SMCHD1: variants seen among roughly 807,000 people sequenced by gnomAD.
The protein encoded by SMCHD1 is structural maintenance of chromosomes flexible hinge domain-containing protein 1.
SMCHD1 carries 78 observed loss-of-function variants against 254.7 expected under a neutral mutation model. That is an observed-to-expected ratio of 0.31 (90% CI 0.26 to 0.37). SMCHD1 has a LOEUF of 0.37. Ranked by LOEUF, SMCHD1 falls within the 10% of genes least tolerant of loss-of-function variation. SMCHD1 has a pLI of 1.00. For missense variants in SMCHD1, 1,840 were observed against 2,408.1 expected (o/e 0.76, Z 4.94); for synonymous variants, 766 against 794.9 (o/e 0.96, Z 0.61).
chr18:2,743,047 G>A (rs1361421683), intron 28 of SMCHD1, among the ~76,000 whole-genome samples: 1 of 152,130 alleles, frequency 6.6e-6, no homozygotes, highest in African/African-American at 2.4e-5. Flanking sequence ...AAGTAGATTT[G>A]TACCTAGCAG....
At chr18:2,680,949 T>C (rs1220785715) in intron 5 of SMCHD1, among the ~76,000 whole-genome samples, 1 of 152,178 alleles carries the variant, frequency 6.6e-6, no homozygotes, top group East Asian at 1.9e-4. Context: ...TATACACTTG[T>C]GTATCTCAAA....
At chr18:2,744,599 T>C (rs773582568) in intron 29 of SMCHD1, among the ~76,000 whole-genome samples, 1 of 152,184 alleles carries the variant, frequency 6.6e-6, no homozygotes, top group Non-Finnish European at 1.5e-5. Context: ...TGAAATCTAT[T>C]CTCTTAGCAG....
Position 2,700,571 on chromosome 18 carries a change from T to C in SMCHD1, c.1375T>C (p.Phe459Leu). 6.2e-7 allele frequency: 1 copy of C among 1,612,258 alleles called. No individual in the cohort carries two copies. The highest frequency in any genetic ancestry group is 8.5e-7 in the Non-Finnish European group (1 of 1,178,976). ...LKDEDDEDDCFILEKAARGKR... is the reference protein window; with the variant it reads ...LKDEDDEDDCLILEKAARGKR... ...AGATGAAGATGATGAAGATGATTGT[T>C]TCATACTTGAGAAAGCAGCTAGAGG... The change falls in exon 11 of 48, where the codon TTC becomes CTC. Residue 459 changes from phenylalanine to leucine, a missense_variant. Physicochemically the swap from Phe to Leu is conservative, Grantham distance 22. Transcript: ENST00000320876.
intron 47 of SMCHD1, among the ~76,000 whole-genome samples, chr18:2,798,807 A>G (rs568599163): frequency 6.6e-6 from 1 of 152,180 alleles, no homozygotes; most frequent in Non-Finnish European, 1.5e-5. Flanking sequence ...GAACAGTGGG[A>G]TTATTTTTTA....
chr18:2,758,744 G>GT lies in SMCHD1; in HGVS notation c.4347-1904dup, dbSNP rs543503788. Among the ~76,000 whole-genome samples, 282 of 152,050 alleles carry GT rather than the reference G, an allele frequency of 1.9e-3. 2 individuals carry two copies. The highest frequency in any genetic ancestry group is 6.6e-3 in the African/African-American group (274 of 41,488). ...TCATTCTGTTGTCAGTCTCATTATT[G>GT]TTTTAAAAAAATGTATTTTCCCTCC... is the stretch of plus-strand genomic sequence containing the variant. On this transcript the variant is annotated intron_variant, in intron 34 of 47. Coordinates refer to ENST00000320876, the MANE Select transcript of SMCHD1 (RefSeq NM_015295.3).
Position 2,771,516 on chromosome 18 carries a change from T to C in SMCHD1, c.4967-17T>C. ...GGCTATCAGAAATTGATGCAAATTTTTGGTTTTTTATTTTAGGTCAAGTTG... is the reference window on the plus strand; with the variant it reads ...GGCTATCAGAAATTGATGCAAATTTCTGGTTTTTTATTTTAGGTCAAGTTG... On this transcript the variant is annotated splice_polypyrimidine_tract_variant and intron_variant, in intron 39 of 47. Coordinates refer to ENST00000320876, the MANE Select transcript of SMCHD1 (RefSeq NM_015295.3). The C allele has an allele frequency of 2.6e-6, 4 of 1,550,756 alleles. No individual in the cohort carries two copies. Among genetic ancestry groups the C allele is most frequent in the Non-Finnish European group, 3.5e-6 (4 of 1,158,552 alleles).
intron 40 of SMCHD1, among the ~76,000 whole-genome samples, chr18:2,771,923 AAAGC>A (rs1436510512): frequency 5.3e-5 from 8 of 152,214 alleles, no homozygotes; most frequent in Admixed American, 1.3e-4. Context: ...GAGAAAATAA[AAAGC>A]AATCTAGATT....
chr18:2,713,583 G>A (rs1311404119), intron 17 of SMCHD1, among the ~76,000 whole-genome samples: 1 of 152,140 alleles, frequency 6.6e-6, no homozygotes, highest in Non-Finnish European at 1.5e-5. Flanking sequence ...TACTCGGGAG[G>A]CTGAGGCAGG....
intron 28 of SMCHD1, 84 bp from the exon 29 acceptor site, chr18:2,743,677 G>C (rs1598394864): frequency 1.0e-6 from 1 of 984,708 alleles, no homozygotes; most frequent in East Asian, 2.6e-5. Context: ...GTACGCCCAT[G>C]GGTTAATGAC....
At chr18:2,695,719 A>T (rs2074272379) in intron 8 of SMCHD1, among the ~76,000 whole-genome samples, 1 of 152,202 alleles carries the variant, frequency 6.6e-6, no homozygotes, top group Non-Finnish European at 1.5e-5. Flanking sequence ...TCTGCTCAAA[A>T]TTCATATTTT....
At chr18:2,693,239 A>G (rs2074217783) in intron 7 of SMCHD1, among the ~76,000 whole-genome samples, 1 of 152,212 alleles carries the variant, frequency 6.6e-6, no homozygotes, top group African/African-American at 2.4e-5. Flanking sequence ...TTTATAATGT[A>G]TATAGCAACA....
At chr18:2,766,497 C>T (rs2075871567) in intron 37 of SMCHD1, among the ~76,000 whole-genome samples, 2 of 152,244 alleles carry the variant, frequency 1.3e-5, no homozygotes, top group Non-Finnish European at 1.5e-5. Context: ...TCCTTCTTGG[C>T]TCCTGCCTCA....
intron 37 of SMCHD1, 55 bp from the exon 38 acceptor site, chr18:2,769,638 GT>G: frequency 6.5e-7 from 1 of 1,527,956 alleles, no homozygotes. Context: ...ACATTTATAT[GT>G]TGTAAATTTT....
chr18:2,666,549 CCTG>C (rs1290448900), intron 2 of SMCHD1, among the ~76,000 whole-genome samples: 3 of 152,078 alleles, frequency 2.0e-5, no homozygotes, highest in Non-Finnish European at 4.4e-5. Flanking sequence ...TTTTCCAAGA[CCTG>C]CTGGTTTTTC....
intron 5 of SMCHD1, among the ~76,000 whole-genome samples, chr18:2,674,391 A>C (rs947220502): frequency 1.3e-5 from 2 of 152,172 alleles, no homozygotes; most frequent in Non-Finnish European, 2.9e-5. Flanking sequence ...TATGTTGGGT[A>C]CCTGAGAGCT....
At chr18:2,784,198 ATCC>A (rs1568383310) in intron 44 of SMCHD1, among the ~76,000 whole-genome samples, 4 of 152,012 alleles carry the variant, frequency 2.6e-5, no homozygotes, top group African/African-American at 2.4e-5. Context: ...CCACTTATCA[ATCC>A]ATCATTTACT....
In SMCHD1 at chr18:2,750,368, G is replaced by A; in HGVS notation, c.4026G>A (p.Gln1342=). 6.2e-7 allele frequency: 1 copy of A among 1,612,430 alleles called. No individual in the cohort carries two copies. ...TTGTTAGGGGAGAGCATACTCTTCA[G>A]GTTAAAGCCATCTATAACAAAAGTA... ...VFAPRGEHTL[Q]VKAIYNKSII... is the part of the protein sequence containing the mutation. Residue 1342 remains glutamine, a synonymous_variant, in exon 32 of 48, where the codon CAG becomes CAA. Transcript: ENST00000320876.
chr18:2,716,201 G>A (rs2074795477), intron 17 of SMCHD1, among the ~76,000 whole-genome samples: 1 of 152,174 alleles, frequency 6.6e-6, no homozygotes, highest in South Asian at 2.1e-4. Context: ...GCTTTCTCCA[G>A]TGCTGGCTGT....
At chr18:2,673,852 T>TA (rs1281183295) in intron 4 of SMCHD1, among the ~76,000 whole-genome samples, 163 bp from the exon 5 acceptor site, 14 of 152,244 alleles carry the variant, frequency 9.2e-5, no homozygotes, top group Admixed American at 8.5e-4. Context: ...AGGCTTTTGA[T>TA]ACATACTGCT....
Sources: gnomAD v4.1 joint callset for allele counts (sites outside exome capture counted in the v4.1 genomes callset) on GRCh38, gnomAD v4.1.1 for gene constraint, MANE v1.5 for transcripts, NCBI Gene and HGNC (gene_info 2026-07-23, HGNC 2026-07-21) for gene names.